Variants in SGK3 observed in about 807,000 individuals in gnomAD.
SGK3 encodes the protein serine/threonine-protein kinase Sgk3.
A neutral mutation model predicts 68.5 loss-of-function variants in SGK3; 47 were observed. The ratio of observed to expected loss-of-function variants is 0.69; its 90% confidence interval spans 0.54 to 0.87. The LOEUF is 0.87. Ranked by LOEUF, SGK3 falls within the 40% of genes least tolerant of loss-of-function variation. The pLI is 0.00. For missense variants in SGK3, 479 were observed against 575.5 expected (o/e 0.83, Z 1.72); for synonymous variants, 181 against 189.1 (o/e 0.96, Z 0.35).
chr8:66,741,602 C>A, intron 1 of SGK3, among the ~76,000 whole-genome samples: 1 of 151,858 alleles, frequency 6.6e-6, no homozygotes, highest in East Asian at 1.9e-4. Context: ...TACAGTGGCT[C>A]ATACCTGTAA....
At chr8:66,761,709 C>A (rs940109669) in intron 1 of SGK3, among the ~76,000 whole-genome samples, 3 of 152,012 alleles carry the variant, frequency 2.0e-5, no homozygotes, top group African/African-American at 7.3e-5. Flanking sequence ...GCGGAGGTAA[C>A]AGTGAGCTGA....
chr8:66,829,114 A>G (rs992165186), intron 7 of SGK3, among the ~76,000 whole-genome samples: 2 of 151,972 alleles, frequency 1.3e-5, no homozygotes, highest in Non-Finnish European at 2.9e-5. Context: ...TGATTGGTGC[A>G]CCCCTGTTGT....
intron 4 of SGK3, among the ~76,000 whole-genome samples, chr8:66,810,480 C>T (rs1484206529): frequency 2.0e-5 from 3 of 152,130 alleles, no homozygotes; most frequent in African/African-American, 4.8e-5. Flanking sequence ...GTGGGTGGAT[C>T]GCCTGAGGTC....
Position 66,783,873 on chromosome 8 carries a change from G to A in SGK3, c.-121-9743G>A, listed in dbSNP as rs1337776571. On this transcript the variant is annotated intron_variant, in intron 1 of 16. Coordinates refer to ENST00000521198, the MANE Select transcript of SGK3 (RefSeq NM_001033578.3). ...TATATTCTAGGAATTTTATAGTTTTGTTTTTTGTTGTCGTTGTTTGTTTGT... is the reference window on the plus strand; with the variant it reads ...TATATTCTAGGAATTTTATAGTTTTATTTTTTGTTGTCGTTGTTTGTTTGT... 2.0e-5 allele frequency among the ~76,000 whole-genome samples: 3 copies of A among 151,926 alleles called. No homozygotes were observed. In the East Asian group the frequency reaches 5.8e-4, roughly 29 times the overall value.
intron 7 of SGK3, among the ~76,000 whole-genome samples, chr8:66,831,003 A>T (rs575699559): frequency 1.3e-5 from 2 of 152,340 alleles, no homozygotes; most frequent in African/African-American, 4.8e-5. Flanking sequence ...AGTATTATTG[A>T]AGTTCCTCTT....
chr8:66,798,433 G>C, intron 2 of SGK3, 109 bp from the exon 3 acceptor site: 1 of 856,228 alleles, frequency 1.2e-6, no homozygotes, highest in Non-Finnish European at 1.8e-6. Flanking sequence ...GAAAGAGCCA[G>C]ACTGTCTCAA....
intron 1 of SGK3, among the ~76,000 whole-genome samples, chr8:66,719,402 C>T (rs1474196715): frequency 6.6e-6 from 1 of 152,122 alleles, no homozygotes; most frequent in Non-Finnish European, 1.5e-5. Flanking sequence ...CTGTGACTCA[C>T]TGCAGTTTCG....
At chr8:66,792,931 T>C (rs1807525094) in intron 1 of SGK3, among the ~76,000 whole-genome samples, 1 of 152,152 alleles carries the variant, frequency 6.6e-6, no homozygotes, top group African/African-American at 2.4e-5. Flanking sequence ...AAGGTATTAT[T>C]TGGTGTCATG....
In SGK3 at chr8:66,861,521, TTAGAG is replaced by T. The variant is rs897522390; in HGVS notation, c.*1946_*1950del. ...AATAAGCTTACCTTGGATTCTTGGC[TTAGAG>T]TAGAGGTTTTTTTTAAGTTATGGAG... On this transcript the variant is annotated 3_prime_UTR_variant, in exon 17 of 17. Coordinates refer to ENST00000521198, the MANE Select transcript of SGK3 (RefSeq NM_001033578.3). 3 of 152,168 alleles carry T rather than the reference TTAGAG, an allele frequency of 2.0e-5. No individual in the cohort carries two copies. The highest frequency in any genetic ancestry group is 4.8e-5 in the African/African-American group (2 of 41,444). 9.4% of individuals were successfully genotyped at this position (152,168 alleles called of 1,614,324 possible).
At chr8:66,830,847 T>C (rs996411685) in intron 7 of SGK3, among the ~76,000 whole-genome samples, 2 of 152,190 alleles carry the variant, frequency 1.3e-5, no homozygotes, top group Non-Finnish European at 2.9e-5. Flanking sequence ...CGTTATATAG[T>C]CCTTAGAATG....
At chr8:66,720,484 A>G (rs539462748) in intron 1 of SGK3, among the ~76,000 whole-genome samples, 1 of 152,172 alleles carries the variant, frequency 6.6e-6, no homozygotes, top group Admixed American at 6.6e-5. Flanking sequence ...AATATAAAAA[A>G]TTGGGCCAGG....
In SGK3 at chr8:66,839,498, GATATATATATATATAT is replaced by G. The variant is rs58832541; in HGVS notation, c.742-460_742-445del. On this transcript the variant is annotated intron_variant, in intron 10 of 16. Coordinates refer to ENST00000521198, the MANE Select transcript of SGK3 (RefSeq NM_001033578.3). The stretch of plus-strand genomic sequence containing the variant: ...GGCTCAAGTAAATTATATGTATGGA[GATATATATATATATAT>G]ATATATATATATATATATATATATA... Among the ~76,000 whole-genome samples the G allele has an allele frequency of 9.0e-3, 374 of 41,498 alleles. 3 individuals carry two copies. Among genetic ancestry groups the G allele is most frequent in the Admixed American group, 0.017 (53 of 3,056 alleles). The allele number at this position is 41,498 out of a possible 152,430, so 27.2% of individuals were successfully genotyped here. A position where few individuals can be genotyped will look rare whatever the true frequency, so the allele number is the denominator to read the frequency against.
At chr8:66,787,328 A>C (rs916513599) in intron 1 of SGK3, among the ~76,000 whole-genome samples, 2 of 152,172 alleles carry the variant, frequency 1.3e-5, no homozygotes, top group Non-Finnish European at 2.9e-5. Flanking sequence ...TTCAAAACAA[A>C]TTGTTATACT....
At chr8:66,801,703 C>T (rs976782733) in intron 3 of SGK3, among the ~76,000 whole-genome samples, 1 of 152,054 alleles carries the variant, frequency 6.6e-6, no homozygotes, top group Non-Finnish European at 1.5e-5. Flanking sequence ...ACACCACATA[C>T]ATTTGAGACT....
intron 1 of SGK3, among the ~76,000 whole-genome samples, chr8:66,733,460 A>G (rs1221827249): frequency 6.6e-6 from 1 of 152,222 alleles, no homozygotes; most frequent in Non-Finnish European, 1.5e-5. Flanking sequence ...AGTCTTTTCT[A>G]ATCCTGTGAA....
At chr8:66,834,012 G>A (rs1375916550) in intron 8 of SGK3, among the ~76,000 whole-genome samples, 1 of 152,198 alleles carries the variant, frequency 6.6e-6, no homozygotes, top group African/African-American at 2.4e-5. Context: ...TTTTTATGCT[G>A]TTGAAAATTG....
chr8:66,770,288 A>G (rs1806466621), intron 1 of SGK3, among the ~76,000 whole-genome samples: 1 of 151,976 alleles, frequency 6.6e-6, no homozygotes, highest in African/African-American at 2.4e-5. Flanking sequence ...TATTGGTCAT[A>G]TTTTTCTGTT....
chr8:66,850,701 T>C (rs1810245919), intron 15 of SGK3, 130 bp from the exon 16 acceptor site: 1 of 809,230 alleles, frequency 1.2e-6, no homozygotes, highest in Non-Finnish European at 1.9e-6. Context: ...GCCACACAAA[T>C]AACATACACA....
At chr8:66,734,455 T>A (rs986714191) in intron 1 of SGK3, among the ~76,000 whole-genome samples, 1 of 152,202 alleles carries the variant, frequency 6.6e-6, no homozygotes, top group Non-Finnish European at 1.5e-5. Context: ...TAAAATTTTC[T>A]TTCCAACTCT....
Sources: allele counts gnomAD v4.1 joint callset (sites outside exome capture counted in the v4.1 genomes callset), GRCh38; gene constraint gnomAD v4.1.1; transcripts MANE v1.5; gene names NCBI Gene and HGNC (gene_info 2026-07-23, HGNC 2026-07-21).